The following PLEKHA7 variants were observed in gnomAD, a reference collection of about 807,000 sequenced individuals.
The protein encoded by PLEKHA7 is pleckstrin homology domain-containing family A member 7.
Under a neutral mutation model 170.0 loss-of-function variants are expected in PLEKHA7, and 104 were observed. That is an observed-to-expected ratio of 0.61 (90% CI 0.52 to 0.72). The LOEUF is 0.72. PLEKHA7 is among the 30% of genes least tolerant of loss of function. The probability of loss-of-function intolerance (pLI) is 0.00; values close to 1 mark genes in which losing one functional copy is unlikely to be tolerated. For missense variants in PLEKHA7, 1,615 were observed against 1,671.7 expected (o/e 0.97, Z 0.59); for synonymous variants, 648 against 660.8 (o/e 0.98, Z 0.30).
intron 3 of PLEKHA7, among the ~76,000 whole-genome samples, chr11:16,902,805 T>A (rs1229580656): frequency 6.6e-6 from 1 of 152,146 alleles, no homozygotes; most frequent in East Asian, 1.9e-4. Flanking sequence ...ACCCAACAGA[T>A]GTGAGGATTG....
chr11:16,889,440 T>TAC (rs1856474100), intron 3 of PLEKHA7, among the ~76,000 whole-genome samples: 1 of 131,788 alleles, frequency 7.6e-6, no homozygotes. Flanking sequence ...TATATATATA[T>TAC]ATATATGAAC....
At chr11:16,813,589 T>A (rs557445543) in intron 12 of PLEKHA7, among the ~76,000 whole-genome samples, 2 of 152,146 alleles carry the variant, frequency 1.3e-5, no homozygotes, top group Non-Finnish European at 2.9e-5. Context: ...TTCACATGCA[T>A]GAAGATGAAG....
At chr11:16,995,914 C>G (rs1864312070) in intron 3 of PLEKHA7, among the ~76,000 whole-genome samples, 3 of 152,150 alleles carry the variant, frequency 2.0e-5, no homozygotes, top group African/African-American at 7.2e-5. Context: ...TCAGGATGTT[C>G]ATTGCCCTCC....
chr11:16,841,742 T>A lies in PLEKHA7; in HGVS notation c.697-20A>T. 6.2e-7 allele frequency: 1 copy of A among 1,610,798 alleles called. No individual in the cohort carries two copies. Among genetic ancestry groups the A allele is most frequent in the Middle Eastern group, 1.7e-4 (1 of 6,042 alleles). On this transcript the variant is annotated intron_variant, in intron 8 of 26. Coordinates refer to ENST00000531066, the MANE Select transcript of PLEKHA7 (RefSeq NM_001329630.2). The stretch of plus-strand genomic sequence containing the variant: ...CACAGCCTGTAGCATGAAGGCAGAA[T>A]GCAGGTCAGAGGGAGGTTATCACAC...
chr11:16,970,631 C>T (rs1862651832), intron 3 of PLEKHA7, among the ~76,000 whole-genome samples: 1 of 151,992 alleles, frequency 6.6e-6, no homozygotes, highest in Non-Finnish European at 1.5e-5. Context: ...CGCACCACTG[C>T]ACTCTAGCCT....
In PLEKHA7 at chr11:16,990,287, A is replaced by AAAAAAAAAAAAAAACC. The variant is rs1554992439; in HGVS notation, c.221+23701_221+23702insGGTTTTTTTTTTTTTT. Among the ~76,000 whole-genome samples, 215 of 111,266 alleles carry AAAAAAAAAAAAAAACC rather than the reference A, an allele frequency of 1.9e-3. 12 individuals carry two copies. The highest frequency in any genetic ancestry group is 4.1e-3 in the African/African-American group (113 of 27,808). The allele number at this position is 111,266 out of a possible 152,430, so 73.0% of individuals were successfully genotyped here. On this transcript the variant is annotated intron_variant, in intron 3 of 26. Coordinates refer to ENST00000531066, the MANE Select transcript of PLEKHA7 (RefSeq NM_001329630.2). ...AGACCCTGTCTCAAAAAAAAAAAAA[A>AAAAAAAAAAAAAAACC]AAAAAAAAAAAACTTCTCCCTGTTC...
intron 13 of PLEKHA7, among the ~76,000 whole-genome samples, chr11:16,807,629 G>C (rs1849081402): frequency 6.6e-6 from 1 of 152,128 alleles, no homozygotes; most frequent in Non-Finnish European, 1.5e-5. Flanking sequence ...TACTAGTTTA[G>C]AGTCGTGCCA....
chr11:16,925,477 C>T (rs1182055587), intron 3 of PLEKHA7, among the ~76,000 whole-genome samples: 1 of 152,202 alleles, frequency 6.6e-6, no homozygotes, highest in Non-Finnish European at 1.5e-5. Flanking sequence ...TGCGCCCTGT[C>T]GGCTCGACAA....
chr11:17,014,187 C>T lies in PLEKHA7; in HGVS notation c.101G>A (p.Cys34Tyr), dbSNP rs1468074970. ...RVFFINDQLR[C>Y]TTWLHPRTGE... ...GGTGCGCGGATGCAGCCAGGTCGTG[C>T]AGCGGAGCTGGTCACTGCGGGCAGA... Residue 34 changes from cysteine to tyrosine, a missense_variant, in exon 2 of 27, where the codon TGC becomes TAC. Coordinates refer to ENST00000531066, the MANE Select transcript of PLEKHA7 (RefSeq NM_001329630.2). 3 of 1,595,390 alleles carry T rather than the reference C, an allele frequency of 1.9e-6. No individual in the cohort carries two copies. The highest frequency in any genetic ancestry group is 1.1e-5 in the South Asian group (1 of 89,250).
At chr11:16,892,408 G>T (rs1233608263) in intron 3 of PLEKHA7, among the ~76,000 whole-genome samples, 4 of 119,412 alleles carry the variant, frequency 3.3e-5, no homozygotes, top group Admixed American at 8.0e-5. Context: ...GTTTTATTTT[G>T]TGTGTGTGTG....
At chr11:16,901,258 C>A (rs1857316448) in intron 3 of PLEKHA7, among the ~76,000 whole-genome samples, 1 of 152,042 alleles carries the variant, frequency 6.6e-6, no homozygotes, top group African/African-American at 2.4e-5. Context: ...AAAAAGCTGT[C>A]TAGGAAAGCA....
intron 3 of PLEKHA7, among the ~76,000 whole-genome samples, chr11:16,999,283 C>T (rs1864527627): frequency 6.6e-6 from 1 of 151,886 alleles, no homozygotes; most frequent in African/African-American, 2.4e-5. Flanking sequence ...CTTCTGCTTG[C>T]CTTCTCTGGC....
In PLEKHA7 at chr11:16,936,480, C is replaced by T. The variant is rs1380194509; in HGVS notation, c.222-65298G>A. ...GGGACAAAGCAATTAAAAACACATG[C>T]CTAACAAATTTGGAATCAAAAGCAC... On this transcript the variant is annotated intron_variant, in intron 3 of 26. Coordinates refer to ENST00000531066, the MANE Select transcript of PLEKHA7 (RefSeq NM_001329630.2). Among the ~76,000 whole-genome samples the T allele has an allele frequency of 3.4e-5, 5 of 148,930 alleles. No individual in the cohort carries two copies. The South Asian group carries it at 6.4e-4, about 19-fold the overall frequency.
At chr11:16,913,441 G>C (rs868653056) in intron 3 of PLEKHA7, among the ~76,000 whole-genome samples, 6 of 152,106 alleles carry the variant, frequency 3.9e-5, no homozygotes, top group African/African-American at 1.4e-4. Context: ...TCCCAGTCTC[G>C]ACAGCAGTAG....
chr11:16,943,445 C>T (rs1860821513), intron 3 of PLEKHA7, among the ~76,000 whole-genome samples: 1 of 152,118 alleles, frequency 6.6e-6, no homozygotes, highest in Admixed American at 6.6e-5. Context: ...TCTCCCTCCC[C>T]CGATACAGGA....
chr11:16,795,138 C>CCCA (rs1848131861), intron 17 of PLEKHA7, 120 bp from the exon 18 acceptor site: 2 of 718,090 alleles, frequency 2.8e-6, no homozygotes, highest in Non-Finnish European at 4.9e-6. Flanking sequence ...CTCTGGAAAC[C>CCCA]CCACTAGTGC....
intron 9 of PLEKHA7, among the ~76,000 whole-genome samples, chr11:16,833,390 C>A (rs1851270231): frequency 6.6e-6 from 1 of 152,162 alleles, no homozygotes; most frequent in Non-Finnish European, 1.5e-5. Context: ...AAAAGCTATT[C>A]CAGGCCTGCC....
intron 3 of PLEKHA7, among the ~76,000 whole-genome samples, chr11:16,905,376 A>AT (rs1406966154): frequency 6.6e-6 from 1 of 152,112 alleles, no homozygotes; most frequent in East Asian, 1.9e-4. Context: ...CTATTATCCC[A>AT]TTTTTTTATG....
intron 10 of PLEKHA7, among the ~76,000 whole-genome samples, chr11:16,822,567 AGCACCGT>A (rs1168549828): frequency 6.6e-6 from 1 of 150,834 alleles, no homozygotes; most frequent in Non-Finnish European, 1.5e-5. Context: ...CCTTACCTGC[AGCACCGT>A]GCACTGCTGA....
Sources: gnomAD v4.1 joint callset for allele counts (sites outside exome capture counted in the v4.1 genomes callset) on GRCh38, gnomAD v4.1.1 for gene constraint, MANE v1.5 for transcripts, NCBI Gene and HGNC (gene_info 2026-07-23, HGNC 2026-07-21) for gene names.